GLMN: variants seen among roughly 807,000 people sequenced by gnomAD.
GLMN encodes glomulin, FKBP associated protein, also known as glomulin.
Under a neutral mutation model 87.8 loss-of-function variants are expected in GLMN, and 75 were observed. The observed-to-expected ratio is 0.85, with a 90% CI of 0.71 to 1.04. The LOEUF is 1.04. GLMN is among the 50% of genes least tolerant of loss of function. The pLI is 0.00. For synonymous variants in GLMN, 206 were observed against 221.6 expected, an observed-to-expected ratio of 0.93 and a Z score of 0.63; for missense variants, 588 against 658.8, an observed-to-expected ratio of 0.89 and a Z score of 1.18.
upstream of GLMN, chr1:92,299,085 C>T (rs747084456): frequency 1.4e-4 from 210 of 1,513,628 alleles, no homozygotes; most frequent in East Asian, 2.2e-3. Flanking sequence ...TGGCGGACTT[C>T]GCTGGGCCGT....
the GLMN span, among the ~76,000 whole-genome samples, chr1:92,310,838 A>T: frequency 1.9e-4 from 29 of 152,062 alleles, no homozygotes; most frequent in Admixed American, 1.7e-3. Flanking sequence ...CAGAGGTTGC[A>T]GTGAGCCGAG....
the GLMN span, among the ~76,000 whole-genome samples, chr1:92,329,390 A>G: frequency 5.9e-5 from 9 of 152,312 alleles, no homozygotes; most frequent in Middle Eastern, 3.4e-3. Context: ...TGGCAACCAC[A>G]GGCCTCACCC....
Position 92,297,533 on chromosome 1 carries a change from GCA to G in GLMN, c.40-6_40-5del. 6.5e-7 allele frequency: 1 copy of G among 1,527,492 alleles called. No homozygotes were observed. The highest frequency in any genetic ancestry group is 8.7e-7 in the Non-Finnish European group (1 of 1,146,756). The allele number at this position is 1,527,492 out of a possible 1,614,324, so 94.6% of individuals were successfully genotyped here. A position where few individuals can be genotyped will look rare whatever the true frequency, so the allele number is the denominator to read the frequency against. ...AGTCTTGCTCTTCTAGGATTTGCTG[GCA>G]AAAAAAAAAAAAACCCAAAAAACAA... On this transcript the variant is annotated splice_polypyrimidine_tract_variant and splice_region_variant and intron_variant, in intron 2 of 18. Coordinates refer to ENST00000370360, the MANE Select transcript of GLMN (RefSeq NM_053274.3).
At chr1:92,259,624 A>G (rs1654741264) in intron 16 of GLMN, among the ~76,000 whole-genome samples, 1 of 152,176 alleles carries the variant, frequency 6.6e-6, no homozygotes, top group African/African-American at 2.4e-5. Flanking sequence ...TTACCCTCTT[A>G]GCACACTTAA....
chr1:92,360,065 A>C, the GLMN span, among the ~76,000 whole-genome samples: 1 of 152,232 alleles, frequency 6.6e-6, no homozygotes, highest in South Asian at 2.1e-4. Context: ...ACTTTGCCCA[A>C]GGTCAGAGCT....
At chr1:92,324,458 T>C in the GLMN span, 2 of 1,044,870 alleles carry the variant, frequency 1.9e-6, no homozygotes, top group East Asian at 2.5e-5. Flanking sequence ...AGGAAGGATA[T>C]TGAAGAGTTA....
chr1:92,354,155 C>G, the GLMN span, among the ~76,000 whole-genome samples: 1 of 152,114 alleles, frequency 6.6e-6, no homozygotes, highest in African/African-American at 2.4e-5. Context: ...GAGCCAGTCC[C>G]TAGATCTGCT....
intron 18 of GLMN, 50 bp from the exon 19 acceptor site, chr1:92,246,696 ACAAAG>A (rs768829461): frequency 1.1e-6 from 1 of 916,554 alleles, no homozygotes; most frequent in Non-Finnish European, 1.8e-6. Flanking sequence ...TTAAAGCAAA[ACAAAG>A]CAAAACACAG....
the GLMN span, among the ~76,000 whole-genome samples, chr1:92,326,310 T>C: frequency 1.4e-4 from 22 of 152,296 alleles, no homozygotes; most frequent in East Asian, 4.2e-3. Flanking sequence ...ATCTCTTAGG[T>C]CAGGTCTGCA....
chr1:92,329,074 T>G, the GLMN span, among the ~76,000 whole-genome samples: 12 of 152,146 alleles, frequency 7.9e-5, no homozygotes, highest in Admixed American at 5.9e-4. Flanking sequence ...GGGTCCTTAA[T>G]TGTATTTTTT....
chr1:92,333,161 T>A, the GLMN span: 2 of 467,686 alleles, frequency 4.3e-6, no homozygotes, highest in African/African-American at 3.9e-5. Flanking sequence ...AATATCCCAA[T>A]TATAAAGATG....
chr1:92,328,257 CT>C, the GLMN span, among the ~76,000 whole-genome samples: 1 of 152,120 alleles, frequency 6.6e-6, no homozygotes, highest in East Asian at 1.9e-4. Flanking sequence ...GTTTTCCAAA[CT>C]TTTAGATTTC....
At chr1:92,305,388 G>A in the GLMN span, among the ~76,000 whole-genome samples, 2 of 124,708 alleles carry the variant, frequency 1.6e-5, no homozygotes, top group African/African-American at 6.4e-5. Flanking sequence ...AGCCGAGATC[G>A]CACCACTGCA....
the GLMN span, among the ~76,000 whole-genome samples, chr1:92,360,752 A>G: frequency 9.2e-5 from 14 of 152,156 alleles, no homozygotes; most frequent in African/African-American, 3.4e-4. Context: ...TTAATTTCAA[A>G]AGTGCAGAAA....
At chr1:92,293,282 T>C (rs1649631953) in intron 3 of GLMN, among the ~76,000 whole-genome samples, 1 of 152,034 alleles carries the variant, frequency 6.6e-6, no homozygotes, top group African/African-American at 2.4e-5. Flanking sequence ...TAAAATGGCT[T>C]ATATACAAAA....
At chr1:92,347,145 A>T in the GLMN span, among the ~76,000 whole-genome samples, 2 of 152,242 alleles carry the variant, frequency 1.3e-5, no homozygotes, top group Admixed American at 1.3e-4. Context: ...CAGAACATAG[A>T]AAATAACTTT....
the GLMN span, among the ~76,000 whole-genome samples, chr1:92,320,392 C>T: frequency 6.6e-6 from 1 of 152,136 alleles, no homozygotes; most frequent in Non-Finnish European, 1.5e-5. Context: ...CCTGCCTCAG[C>T]CTCCTGAGTA....
intron 16 of GLMN, among the ~76,000 whole-genome samples, chr1:92,254,763 A>G (rs1654002701): frequency 6.6e-6 from 1 of 152,244 alleles, no homozygotes; most frequent in African/African-American, 2.4e-5. Context: ...TGAAGGAAGC[A>G]CTAAATATGG....
At chr1:92,248,230 TTAACTTG>T (rs1652955449) in intron 16 of GLMN, 1 of 373,476 alleles carries the variant, frequency 2.7e-6, no homozygotes, top group Non-Finnish European at 4.9e-6. Context: ...TTGAGATCTA[TTAACTTG>T]TTAAGTTTTA....
Sources: gnomAD v4.1 joint callset for allele counts (sites outside exome capture counted in the v4.1 genomes callset) on GRCh38, gnomAD v4.1.1 for gene constraint, MANE v1.5 for transcripts, NCBI Gene and HGNC (gene_info 2026-07-23, HGNC 2026-07-21) for gene names.